The following LVRN variants were observed in gnomAD, a reference collection of about 807,000 sequenced individuals.
LVRN encodes laeverin, also known as aminopeptidase Q.
LVRN carries 99 observed loss-of-function variants against 111.4 expected under a neutral mutation model. That is an observed-to-expected ratio of 0.89 (90% CI 0.76 to 1.05). The LOEUF is 1.05. LVRN is among the 50% of genes least tolerant of loss of function. The pLI is 0.00. For missense variants in LVRN, 1,414 were observed against 1,206.8 expected, an observed-to-expected ratio of 1.17 and a Z score of -2.54; for synonymous variants, 488 against 449.5, an observed-to-expected ratio of 1.09 and a Z score of -1.08.
intron 1 of LVRN, among the ~76,000 whole-genome samples, chr5:115,980,642 CT>C (rs1228642854): frequency 6.6e-6 from 1 of 152,046 alleles, no homozygotes; most frequent in African/African-American, 2.4e-5. Flanking sequence ...CGCTCCCCAC[CT>C]TGCAGTCTCT....
At position 116,025,278 on chromosome 5, in the gene LVRN, G is replaced by C. The variant is rs943857613; in HGVS notation, c.2833-700G>C. 2.0e-5 allele frequency among the ~76,000 whole-genome samples: 3 copies of C among 152,156 alleles called. No individual in the cohort carries two copies. In the East Asian group the frequency reaches 5.8e-4, roughly 29 times the overall value. ...TACTGTGCAATTTCGAGTATATTAG[G>C]GTTGAAGTGAGCTGTTGTGAGCTGG... On this transcript the variant is annotated intron_variant, in intron 19 of 19. Transcript: ENST00000357872.
chr5:115,963,370 G>A lies in LVRN; in HGVS notation c.695+58G>A, dbSNP rs531833860. 14 of 1,427,020 alleles carry A rather than the reference G, an allele frequency of 9.8e-6. No individual in the cohort carries two copies. In the East Asian group the frequency reaches 3.1e-4, roughly 31 times the overall value. The allele number at this position is 1,427,020 out of a possible 1,614,324, so 88.4% of individuals were successfully genotyped here. On this transcript the variant is annotated intron_variant, in intron 1 of 19. Transcript: ENST00000357872. ...CCCCCGCCCCTGCGTCCCGGTGCAG[G>A]CTGCGGGTCCAGCTGACTACCGTGT...
chr5:116,004,436 A>C (rs2112611123), intron 12 of LVRN, among the ~76,000 whole-genome samples: 1 of 152,316 alleles, frequency 6.6e-6, no homozygotes, highest in South Asian at 2.1e-4. Context: ...TGCTGAACTA[A>C]AAGATGTCTC....
chr5:115,964,781 T>C lies in LVRN; in HGVS notation c.695+1469T>C, dbSNP rs192439787. Among the ~76,000 whole-genome samples, 101 of 152,330 alleles carry C rather than the reference T, an allele frequency of 6.6e-4. No individual in the cohort carries two copies. In the East Asian group the frequency reaches 0.013, roughly 20 times the overall value. On this transcript the variant is annotated intron_variant, in intron 1 of 19. Transcript: ENST00000357872. ...AACTAGAAACCATATTTTCAGAACA[T>C]TAAAATTCAAGCAAGAAGAAATCTT... is the stretch of plus-strand genomic sequence containing the variant.
At chr5:115,984,534 A>G in intron 2 of LVRN, 36 bp from the exon 3 acceptor site, 2 of 1,608,382 alleles carry the variant, frequency 1.2e-6, no homozygotes, top group Non-Finnish European at 1.7e-6. Context: ...AATTGCTTAG[A>G]TTTGCTGTGA....
intron 4 of LVRN, 114 bp downstream of exon 4, chr5:115,988,053 T>C (rs1482668760): frequency 1.4e-6 from 2 of 1,400,962 alleles, no homozygotes; most frequent in African/African-American, 1.5e-5. Flanking sequence ...ATTTAGCTGC[T>C]GGTTTGGAGT....
At chr5:115,993,530 T>C (rs1167841446) in intron 5 of LVRN, among the ~76,000 whole-genome samples, 1 of 152,198 alleles carries the variant, frequency 6.6e-6, no homozygotes, top group African/African-American at 2.4e-5. Flanking sequence ...TAATTGAACA[T>C]GGAATATTTC....
chr5:115,962,918 T>C lies in LVRN; in HGVS notation c.301T>C (p.Trp101Arg). Residue 101 changes from tryptophan to arginine, a missense_variant, in exon 1 of 20, where the codon TGG becomes CGG. By Grantham distance (101) the Trp-to-Arg change is moderately radical (BLOSUM62 -3). Transcript: ENST00000357872. ...CTGGGACCAGCTACGCCTGCCGCCC[T>C]GGCTCGTGCCGCTGCACTACGATCT... ...GPWDQLRLPP[W>R]LVPLHYDLEL... 2 of 1,612,906 alleles carry C rather than the reference T, an allele frequency of 1.2e-6. No homozygotes were observed. Among genetic ancestry groups the C allele is most frequent in the Non-Finnish European group, 1.7e-6 (2 of 1,179,712 alleles).
At chr5:116,023,025 C>T (rs1748786798) in intron 19 of LVRN, among the ~76,000 whole-genome samples, 1 of 152,228 alleles carries the variant, frequency 6.6e-6, no homozygotes, top group African/African-American at 2.4e-5. Flanking sequence ...CAGAAACACT[C>T]TACCTTCTGT....
intron 5 of LVRN, 152 bp downstream of exon 5, chr5:115,992,429 ACT>A: frequency 1.1e-6 from 1 of 912,176 alleles, no homozygotes. Flanking sequence ...AATGGGGAAG[ACT>A]CAGATTCAGG....
rs962250820 is a variant in LVRN at position 116,027,407 on chromosome 5, A to G, written c.*1289A>G. ...TAAGTTAAGGCAGCCATAAATGAAA[A>G]TACAAAACAAACGTTTGCTTTTGTA... On this transcript the variant is annotated 3_prime_UTR_variant, in exon 20 of 20. Transcript: ENST00000357872. 2 of 152,194 alleles carry G rather than the reference A, an allele frequency of 1.3e-5. No homozygotes were observed. Among genetic ancestry groups the G allele is most frequent in the African/African-American group, 4.8e-5 (2 of 41,462 alleles). The allele number at this position is 152,194 out of a possible 1,614,324, so 9.4% of individuals were successfully genotyped here. A position where few individuals can be genotyped will look rare whatever the true frequency, so the allele number is the denominator to read the frequency against.
intron 6 of LVRN, among the ~76,000 whole-genome samples, chr5:115,998,475 C>A (rs993929961): frequency 6.6e-6 from 1 of 152,172 alleles, no homozygotes; most frequent in Admixed American, 6.5e-5. Flanking sequence ...AAGAACTACA[C>A]TAACATTTTA....
intron 14 of LVRN, 41 bp downstream of exon 14, chr5:116,010,935 CT>C: frequency 2.1e-6 from 3 of 1,455,734 alleles, no homozygotes; most frequent in Non-Finnish European, 2.7e-6. Flanking sequence ...AATAAATCCT[CT>C]CTTCTTCTTT....
At chr5:116,005,724 T>C (rs1748353432) in intron 12 of LVRN, 188 bp from the exon 13 acceptor site, 1 of 663,618 alleles carries the variant, frequency 1.5e-6, no homozygotes, top group Non-Finnish European at 2.8e-6. Flanking sequence ...TTCATTTATT[T>C]CAAAAACATA....
intron 3 of LVRN, among the ~76,000 whole-genome samples, chr5:115,985,864 C>G (rs554620909): frequency 6.6e-6 from 1 of 152,200 alleles, no homozygotes; most frequent in Non-Finnish European, 1.5e-5. Flanking sequence ...GACACGTAGA[C>G]TTCATCAAGC....
rs770574440 is a variant in LVRN, at chr5:115,963,171, C to G, written c.554C>G (p.Thr185Arg). 3 of 1,612,988 alleles carry G rather than the reference C, an allele frequency of 1.9e-6. No individual in the cohort carries two copies. In the African/African-American group the frequency reaches 4.0e-5, roughly 21 times the overall value. Residue 185 changes from threonine to arginine, a missense_variant, in exon 1 of 20, where the codon ACG becomes AGG. Transcript: ENST00000357872. ...GACGACGTGTGGTTCGCGCTGGACA[C>G]GGAATACATGGTGCTGGAGCTCAGT... ...PVDDVWFALD[T>R]EYMVLELSEP...
chr5:115,977,071 G>C (rs778542430), intron 1 of LVRN, among the ~76,000 whole-genome samples: 11 of 152,194 alleles, frequency 7.2e-5, no homozygotes, highest in Admixed American at 2.6e-4. Context: ...ACTCTGGGAA[G>C]TGTTCAGCGT....
chr5:116,021,673 C>A (rs1455730458), intron 18 of LVRN: 1 of 442,660 alleles, frequency 2.3e-6, no homozygotes, highest in Non-Finnish European at 4.5e-6. Flanking sequence ...TTATAATAAC[C>A]CTATTTTAAT....
At chr5:115,968,367 T>C (rs1408146522) in intron 1 of LVRN, among the ~76,000 whole-genome samples, 1 of 152,204 alleles carries the variant, frequency 6.6e-6, no homozygotes. Context: ...TTTTTTCTTC[T>C]TGAGCCTGTT....
Sources: allele counts gnomAD v4.1 joint callset (sites outside exome capture counted in the v4.1 genomes callset), GRCh38; gene constraint gnomAD v4.1.1; transcripts MANE v1.5; gene names NCBI Gene and HGNC (gene_info 2026-07-23, HGNC 2026-07-21).